The following SYNGR1 variants were observed in gnomAD, a reference collection of about 807,000 sequenced individuals.
SYNGR1 encodes synaptogyrin 1, also known as synaptogyrin-1.
Under a neutral mutation model 26.1 loss-of-function variants are expected in SYNGR1, and 14 were observed. The observed-to-expected ratio is 0.54, with a 90% confidence interval of 0.35 to 0.84. SYNGR1 has a LOEUF of 0.84. Among genes scored for constraint, SYNGR1 ranks in the 40% least tolerant of loss-of-function variants. The pLI is 0.01. For missense variants in SYNGR1, 319 were observed against 332.9 expected, an observed-to-expected ratio of 0.96 and a Z score of 0.33; for synonymous variants, 141 against 150.1, an observed-to-expected ratio of 0.94 and a Z score of 0.44.
intron 1 of SYNGR1, among the ~76,000 whole-genome samples, chr22:39,356,763 C>G (rs764677243): frequency 2.0e-5 from 3 of 152,192 alleles, no homozygotes; most frequent in Non-Finnish European, 2.9e-5. Flanking sequence ...AGGCTGCGTT[C>G]TGCACCCTCT....
At position 39,383,551 on chromosome 22, in the gene SYNGR1, G is replaced by C. The variant is rs1264086664; in HGVS notation, c.*1637G>C. On this transcript the variant is annotated 3_prime_UTR_variant, in exon 4 of 4. Coordinates refer to ENST00000328933, the MANE Select transcript of SYNGR1 (RefSeq NM_004711.5). ...CCCCCTGTCCACCCAGTGTCCACTG[G>C]CCTGTCCTTCAGGGAGCAGAGCAGA... The C allele has an allele frequency of 1.3e-5, 2 of 152,464 alleles. No homozygotes were observed. Among genetic ancestry groups the C allele is most frequent in the African/African-American group, 4.8e-5 (2 of 41,470 alleles). 9.4% of individuals were successfully genotyped at this position (152,464 alleles called of 1,614,324 possible).
rs142648442 is a variant in SYNGR1, at chr22:39,366,850, T to G, written c.100-7466T>G. Among the ~76,000 whole-genome samples, 605 of 152,306 alleles carry G rather than the reference T, an allele frequency of 4.0e-3. 3 individuals are homozygous for G. The highest frequency in any genetic ancestry group is 0.014 in the African/African-American group (586 of 41,556). On this transcript the variant is annotated intron_variant, in intron 1 of 3. Transcript: ENST00000328933. ...GTCGCATCAAGTCACTCAGCTGCTC[T>G]TCAGCCTGCAGTGTCTCCTGAACTC...
At chr22:39,364,407 A>C in intron 1 of SYNGR1, 2 of 1,555,146 alleles carry the variant, frequency 1.3e-6, no homozygotes, top group Non-Finnish European at 1.8e-6. Context: ...GATGATTTGC[A>C]GATTTTTATG....
In SYNGR1 at chr22:39,374,532, C is replaced by G. The variant is rs1457563440; in HGVS notation, c.316C>G (p.Leu106Val). Residue 106 changes from leucine (L) to valine (V), a missense_variant, in exon 2 of 4, where the codon CTG becomes GTG. Coordinates refer to ENST00000328933, the MANE Select transcript of SYNGR1 (RefSeq NM_004711.5). ...CGTCAAGGACCGCAAGAAAGCCGTC[C>G]TGTCCGACATCGGTGTCTCGGGTGA... Reference protein sequence around the residue: ...SSVKDRKKAVLSDIGVSAFWA... With the variant: ...SSVKDRKKAVVSDIGVSAFWA... 6.2e-7 allele frequency: 1 copy of G among 1,613,510 alleles called. No homozygotes were observed. The highest frequency in any genetic ancestry group is 1.7e-5 in the Admixed American group (1 of 60,004).
intron 1 of SYNGR1, among the ~76,000 whole-genome samples, chr22:39,353,777 T>C (rs191424206): frequency 6.6e-6 from 1 of 152,242 alleles, no homozygotes; most frequent in Non-Finnish European, 1.5e-5. Context: ...AAGGACCACC[T>C]TTTATTTGGA....
At chr22:39,363,292 G>C (rs538556155) in intron 1 of SYNGR1, among the ~76,000 whole-genome samples, 1 of 151,812 alleles carries the variant, frequency 6.6e-6, no homozygotes, top group African/African-American at 2.4e-5. Flanking sequence ...GACCTGGGGG[G>C]TGACATGACC....
At chr22:39,367,822 CA>C (rs749046250) in intron 1 of SYNGR1, among the ~76,000 whole-genome samples, 2,059 of 54,352 alleles carry the variant, frequency 0.038, 48 homozygotes, top group African/African-American at 0.11. Context: ...GACCCTGTCT[CA>C]AAAAAAAAAA....
intron 1 of SYNGR1, among the ~76,000 whole-genome samples, chr22:39,363,548 C>T (rs1228799853): frequency 1.3e-5 from 2 of 151,960 alleles, no homozygotes; most frequent in Non-Finnish European, 1.5e-5. Flanking sequence ...AGAGAGATCA[C>T]TGGGGAGGCT....
chr22:39,367,920 C>T (rs1924841368), intron 1 of SYNGR1, among the ~76,000 whole-genome samples: 1 of 152,132 alleles, frequency 6.6e-6, no homozygotes, highest in Non-Finnish European at 1.5e-5. Flanking sequence ...GTCACTGCTC[C>T]AGCCATATTC....
chr22:39,379,030 C>A (rs1186918972), intron 3 of SYNGR1, among the ~76,000 whole-genome samples: 2 of 152,156 alleles, frequency 1.3e-5, no homozygotes, highest in Non-Finnish European at 2.9e-5. Context: ...CCAGGGAGCT[C>A]GGGGAGAACC....
chr22:39,372,231 A>G (rs996565327), intron 1 of SYNGR1, among the ~76,000 whole-genome samples: 2 of 149,020 alleles, frequency 1.3e-5, no homozygotes, highest in Admixed American at 6.8e-5. Flanking sequence ...TCCTGGGTTC[A>G]AGCGATTCTC....
chr22:39,359,680 T>C (rs1924374679), intron 1 of SYNGR1, among the ~76,000 whole-genome samples: 2 of 144,188 alleles, frequency 1.4e-5, no homozygotes, highest in African/African-American at 5.0e-5. Context: ...TAGCTTGGTG[T>C]CAGTCCTCTC....
intron 1 of SYNGR1, among the ~76,000 whole-genome samples, chr22:39,367,154 G>A (rs763163723): frequency 2.6e-5 from 4 of 152,286 alleles, no homozygotes; most frequent in South Asian, 2.1e-4. Context: ...TGTCTCCCTC[G>A]GTAAGAACAG....
chr22:39,362,744 G>A (rs1924540884), intron 1 of SYNGR1, among the ~76,000 whole-genome samples: 1 of 152,118 alleles, frequency 6.6e-6, no homozygotes, highest in African/African-American at 2.4e-5. Context: ...TTTTCAGGGA[G>A]TGAGCTCCCT....
intron 3 of SYNGR1, among the ~76,000 whole-genome samples, chr22:39,379,298 A>C (rs1925418769): frequency 6.6e-6 from 1 of 152,164 alleles, no homozygotes; most frequent in African/African-American, 2.4e-5. Context: ...ACCTCCCAGA[A>C]AGTGCTTCCC....
chr22:39,358,291 A>G (rs1463066672), intron 1 of SYNGR1, among the ~76,000 whole-genome samples: 2 of 152,214 alleles, frequency 1.3e-5, no homozygotes, highest in Non-Finnish European at 1.5e-5. Flanking sequence ...AAACGCACCA[A>G]TCAGCGCCCT....
rs553456321 is a variant in SYNGR1, at chr22:39,381,810, G to A, written c.598G>A (p.Val200Met). 5 of 1,522,928 alleles carry A rather than the reference G, an allele frequency of 3.3e-6. No individual in the cohort carries two copies. The highest frequency in any genetic ancestry group is 1.1e-5 in the South Asian group (1 of 87,482). 94.3% of individuals were successfully genotyped at this position (1,522,928 alleles called of 1,614,324 possible). ...CTCCAGCATGCCTTACGCGCCCTAC[G>A]TGGAGCCCACTGGGCCGGATCCCGC... ...QDSSMPYAPY[V>M]EPTGPDPAGM... The change falls in exon 4 of 4, where the codon GTG (valine) becomes ATG (methionine). Residue 200 changes from valine to methionine, a missense_variant. Val to Met is a conservative substitution (Grantham distance 21). Coordinates refer to ENST00000328933, the MANE Select transcript of SYNGR1 (RefSeq NM_004711.5).
chr22:39,364,051 C>A, intron 1 of SYNGR1: 1 of 1,388,216 alleles, frequency 7.2e-7, no homozygotes, highest in Non-Finnish European at 9.9e-7. Flanking sequence ...CTTCGTTAGC[C>A]GACGCCCTGC....
At chr22:39,377,168 C>A in intron 3 of SYNGR1, 3 of 1,466,330 alleles carry the variant, frequency 2.0e-6, no homozygotes, top group Non-Finnish European at 2.7e-6. Context: ...GTCCCTGTTT[C>A]CCCCATCCTT....
Sources: allele counts gnomAD v4.1 joint callset (sites outside exome capture counted in the v4.1 genomes callset), GRCh38; gene constraint gnomAD v4.1.1; transcripts MANE v1.5; gene names NCBI Gene and HGNC (gene_info 2026-07-23, HGNC 2026-07-21).